Variants in SMOC2 observed in about 807,000 individuals in gnomAD.
The protein encoded by SMOC2 is SPARC related modular calcium binding 2.
A neutral mutation model predicts 61.4 loss-of-function variants in SMOC2; 39 were observed. The ratio of observed to expected loss-of-function variants is 0.64; its 90% CI spans 0.49 to 0.83. The LOEUF (loss-of-function observed/expected upper bound fraction) is 0.83. Among genes scored for constraint, SMOC2 ranks in the 40% least tolerant of loss-of-function variants. The probability of loss-of-function intolerance (pLI) is 0.00; values close to 1 mark genes in which losing one functional copy is unlikely to be tolerated. For synonymous variants in SMOC2, 247 were observed against 239.9 expected, an observed-to-expected ratio of 1.03 and a Z score of -0.27; for missense variants, 556 against 592.9, an observed-to-expected ratio of 0.94 and a Z score of 0.65.
At chr6:168,478,105 G>T (rs1782131631) in intron 1 of SMOC2, among the ~76,000 whole-genome samples, 2 of 152,160 alleles carry the variant, frequency 1.3e-5, no homozygotes, top group South Asian at 4.1e-4. Context: ...GGGAAGTGGG[G>T]CCATTTCATC....
intron 5 of SMOC2, among the ~76,000 whole-genome samples, chr6:168,546,870 C>T (rs371567213): frequency 1.4e-4 from 21 of 152,280 alleles, no homozygotes; most frequent in East Asian, 7.8e-4. Context: ...TAGAACTGAT[C>T]GGATATTTTC....
At position 168,535,934 on chromosome 6, in the gene SMOC2, G is replaced by A. The variant is rs575856476; in HGVS notation, c.464-7691G>A. 3.7e-4 allele frequency among the ~76,000 whole-genome samples: 57 copies of A among 152,352 alleles called. 2 individuals are homozygous for A. The South Asian group carries it at 0.011, about 29-fold the overall frequency. On this transcript the variant is annotated intron_variant, in intron 4 of 12. Transcript: ENST00000356284. This position sits in a 1 kb window ranked among gnomAD's most constrained non-coding sequence, Gnocchi z 4.6. Reference sequence around the variant, plus strand: ...GCAGTGACAGGGATCCTGGGGACACGTGAGGAATAACGCAGCAGCCATGCA... The same window carrying A: ...GCAGTGACAGGGATCCTGGGGACACATGAGGAATAACGCAGCAGCCATGCA...
chr6:168,505,560 G>C (rs575657708), intron 1 of SMOC2, among the ~76,000 whole-genome samples: 2 of 151,080 alleles, frequency 1.3e-5, no homozygotes, highest in Non-Finnish European at 3.0e-5. Context: ...GGATGAATGA[G>C]TGAATGGAAT....
intron 8 of SMOC2, 112 bp downstream of exon 8, chr6:168,599,116 ACACT>A (rs79115216): frequency 0.39 from 346,235 of 895,874 alleles, 68,271 homozygotes; most frequent in Middle Eastern, 0.45. Context: ...AGTCACACAC[ACACT>A]CACACTCACA....
chr6:168,464,281 T>TGGAA lies in SMOC2; in HGVS notation c.84+22839_84+22842dup, dbSNP rs1186258208. Among the ~76,000 whole-genome samples the TGGAA allele has an allele frequency of 2.7e-5, 4 of 146,936 alleles. No homozygotes were observed. The South Asian group carries it at 6.6e-4, about 24-fold the overall frequency. On this transcript the variant is annotated intron_variant, in intron 1 of 12. Transcript: ENST00000356284. ...AAGGACGGACGGAAGGAAGGAAGGA[T>TGGAA]GGAAGGAAGGAAGGACGGACGGAAG...
chr6:168,508,199 T>TA (rs1160515012), intron 1 of SMOC2, among the ~76,000 whole-genome samples: 1 of 152,200 alleles, frequency 6.6e-6, no homozygotes, highest in East Asian at 1.9e-4. Context: ...CGTGAAGATT[T>TA]TAAAAAATGT....
chr6:168,656,555 G>GAAA (rs5881806), intron 11 of SMOC2, among the ~76,000 whole-genome samples: 4 of 136,038 alleles, frequency 2.9e-5, no homozygotes, highest in East Asian at 4.4e-4. Flanking sequence ...AAGAGAAAAG[G>GAAA]AAAAAAAAAA....
At chr6:168,621,144 G>A (rs1786234089) in intron 9 of SMOC2, among the ~76,000 whole-genome samples, 3 of 152,302 alleles carry the variant, frequency 2.0e-5, no homozygotes, top group Admixed American at 1.3e-4. Context: ...TGACAGAGAA[G>A]GATAAATGGA....
chr6:168,547,056 C>A, intron 5 of SMOC2, 63 bp from the exon 6 acceptor site: 1 of 1,605,526 alleles, frequency 6.2e-7, no homozygotes, highest in Non-Finnish European at 8.5e-7. Context: ...CCCGTATGCA[C>A]ACTTACTTAA....
Position 168,546,747 on chromosome 6 carries a change from C to A in SMOC2, c.512-372C>A, listed in dbSNP as rs534555563. Among the ~76,000 whole-genome samples, 3 of 152,340 alleles carry A rather than the reference C, an allele frequency of 2.0e-5. No homozygotes were observed. The South Asian group carries it at 6.2e-4, about 32-fold the overall frequency. Reference sequence around the variant, plus strand: ...GTCCCTGCCAAGCCCTCTTTTGTAACCTCCAGTGGCCTGAATTTATGACTT... The same window carrying A: ...GTCCCTGCCAAGCCCTCTTTTGTAAACTCCAGTGGCCTGAATTTATGACTT... On this transcript the variant is annotated intron_variant, in intron 5 of 12. Transcript: ENST00000356284.
intron 1 of SMOC2, among the ~76,000 whole-genome samples, chr6:168,459,957 C>T (rs953000774): frequency 9.2e-5 from 14 of 152,142 alleles, no homozygotes; most frequent in African/African-American, 1.9e-4. Flanking sequence ...GTTTCCTCAT[C>T]GCTCAATCAT....
chr6:168,586,128 T>G (rs551814029), intron 7 of SMOC2, among the ~76,000 whole-genome samples: 5 of 152,320 alleles, frequency 3.3e-5, no homozygotes, highest in African/African-American at 9.6e-5. Context: ...TTAGCTTTTA[T>G]GTTTAGATCT....
At chr6:168,568,464 A>C (rs1016642422) in intron 7 of SMOC2, among the ~76,000 whole-genome samples, 2 of 152,204 alleles carry the variant, frequency 1.3e-5, no homozygotes, top group African/African-American at 4.8e-5. Flanking sequence ...ATATTGATAC[A>C]TTATTATTAA....
At chr6:168,538,089 G>T (rs1234710033) in intron 4 of SMOC2, among the ~76,000 whole-genome samples, 2 of 150,830 alleles carry the variant, frequency 1.3e-5, no homozygotes, top group Admixed American at 6.6e-5. Flanking sequence ...ATGTGGGGGA[G>T]TGGGGTGACC....
chr6:168,567,850 G>A (rs576413032), intron 7 of SMOC2, among the ~76,000 whole-genome samples: 231 of 150,826 alleles, frequency 1.5e-3, no homozygotes, highest in Non-Finnish European at 2.9e-3. Context: ...GGTGTGAGTC[G>A]GTGTCTCATA....
chr6:168,596,623 G>A (rs187781980), intron 7 of SMOC2, among the ~76,000 whole-genome samples: 1 of 152,374 alleles, frequency 6.6e-6, no homozygotes, highest in East Asian at 1.9e-4. Context: ...GATGCACCAA[G>A]TGCTCTGAGG....
At chr6:168,514,425 G>GC (rs1230683040) in intron 2 of SMOC2, among the ~76,000 whole-genome samples, 1 of 152,372 alleles carries the variant, frequency 6.6e-6, no homozygotes, top group African/African-American at 2.4e-5. Flanking sequence ...AAACCGCAGG[G>GC]CCATGGGTTA....
intron 1 of SMOC2, among the ~76,000 whole-genome samples, chr6:168,460,476 G>T (rs1445384262): frequency 6.6e-6 from 1 of 152,100 alleles, no homozygotes; most frequent in Non-Finnish European, 1.5e-5. Flanking sequence ...AATATTTAGG[G>T]GTAGAATATT....
chr6:168,494,178 T>G (rs1268200839), intron 1 of SMOC2, among the ~76,000 whole-genome samples: 1 of 152,234 alleles, frequency 6.6e-6, no homozygotes, highest in Non-Finnish European at 1.5e-5. Context: ...TTCTACACGC[T>G]CTGAGTGCAA....
Sources: gnomAD v4.1 joint callset for allele counts (sites outside exome capture counted in the v4.1 genomes callset) on GRCh38, gnomAD v4.1.1 for gene constraint, Gnocchi (gnomAD v3.1) non-coding constraint, MANE v1.5 for transcripts, NCBI Gene and HGNC (gene_info 2026-07-23, HGNC 2026-07-21) for gene names.